Variants in PIK3R3 observed in about 807,000 individuals in gnomAD.
PIK3R3 encodes phosphatidylinositol 3-kinase regulatory subunit gamma.
PIK3R3 carries 64 observed loss-of-function variants against 62.9 expected under a neutral mutation model. The observed-to-expected ratio is 1.02, with a 90% confidence interval of 0.83 to 1.25. PIK3R3 has a LOEUF of 1.25. Among genes scored for constraint, PIK3R3 ranks in the 50% most tolerant of loss-of-function variants. The pLI, the probability that PIK3R3 is intolerant of heterozygous loss-of-function variation, is 0.00. For synonymous variants in PIK3R3, 165 were observed against 189.0 expected (o/e 0.87, Z 1.04); for missense variants, 614 against 561.6 (o/e 1.09, Z -0.94).
chr1:46,045,617 CTTTTTTTT>C (rs1031388121), intron 9 of PIK3R3, among the ~76,000 whole-genome samples: 6 of 21,212 alleles, frequency 2.8e-4, no homozygotes, highest in Admixed American at 6.3e-4. Context: ...CAATTAAGTG[CTTTTTTTT>C]TTTTTTTTTT....
intron 1 of PIK3R3, among the ~76,000 whole-genome samples, chr1:46,107,041 G>GTA (rs925649515): frequency 1.3e-5 from 2 of 152,120 alleles, no homozygotes; most frequent in Non-Finnish European, 2.9e-5. Context: ...GATTACAGGC[G>GTA]TGAGCCACCG....
intron 3 of PIK3R3, among the ~76,000 whole-genome samples, chr1:46,072,720 T>TGG (rs1649655785): frequency 6.6e-6 from 1 of 151,920 alleles, no homozygotes; most frequent in Admixed American, 6.6e-5. Context: ...GAGGCCAAGG[T>TGG]GGGAGGATCA....
chr1:46,128,479 C>A (rs1025720572), intron 1 of PIK3R3, among the ~76,000 whole-genome samples: 2 of 151,978 alleles, frequency 1.3e-5, no homozygotes, highest in Admixed American at 6.6e-5. Flanking sequence ...AATATTGGCA[C>A]CATTACAGTT....
intron 3 of PIK3R3, among the ~76,000 whole-genome samples, chr1:46,068,360 A>G (rs1466188546): frequency 6.6e-6 from 1 of 152,200 alleles, no homozygotes; most frequent in Non-Finnish European, 1.5e-5. Context: ...TATATGATAA[A>G]CAAGCCAGAC....
chr1:46,103,099 C>G (rs897967902), intron 1 of PIK3R3, among the ~76,000 whole-genome samples: 1 of 152,078 alleles, frequency 6.6e-6, no homozygotes, highest in South Asian at 2.1e-4. Flanking sequence ...CTTACTTATA[C>G]GAGGTAACTG....
At chr1:46,144,725 G>GCCA in the PIK3R3 span, among the ~76,000 whole-genome samples, 1 of 146,094 alleles carries the variant, frequency 6.8e-6, no homozygotes, top group Non-Finnish European at 1.5e-5. Flanking sequence ...CCAAGATCGT[G>GCCA]CCACTGCACT....
intron 1 of PIK3R3, among the ~76,000 whole-genome samples, chr1:46,106,896 C>T (rs1010374808): frequency 1.3e-5 from 2 of 152,118 alleles, no homozygotes; most frequent in Non-Finnish European, 2.9e-5. Context: ...CTGCCTCAGC[C>T]TCCCAAGTAG....
At chr1:46,064,969 T>C (rs1011047225) in intron 5 of PIK3R3, among the ~76,000 whole-genome samples, 2 of 152,186 alleles carry the variant, frequency 1.3e-5, no homozygotes, top group Admixed American at 6.5e-5. Flanking sequence ...CCATTATTGT[T>C]ATCTACTAGA....
the PIK3R3 span, among the ~76,000 whole-genome samples, chr1:46,157,538 C>T: frequency 2.6e-5 from 4 of 152,154 alleles, no homozygotes; most frequent in East Asian, 7.7e-4. Flanking sequence ...CTGGATGGCC[C>T]ATTTAGAAAG....
At chr1:46,059,633 A>T (rs958741329) in intron 6 of PIK3R3, among the ~76,000 whole-genome samples, 4 of 151,806 alleles carry the variant, frequency 2.6e-5, no homozygotes, top group Admixed American at 6.6e-5. Context: ...CTCTACAAAA[A>T]GATTTTTAAA....
intron 1 of PIK3R3, among the ~76,000 whole-genome samples, chr1:46,109,190 T>C (rs1653502402): frequency 6.6e-6 from 1 of 151,516 alleles, no homozygotes; most frequent in African/African-American, 2.4e-5. Context: ...AAAATTATGT[T>C]TCTCTGCTCT....
chr1:46,086,310 GCCAGGTGCAGTGGTGTGCACCTATACCC>G (rs1651049076), intron 1 of PIK3R3, among the ~76,000 whole-genome samples: 1 of 152,130 alleles, frequency 6.6e-6, no homozygotes, highest in Admixed American at 6.5e-5. Flanking sequence ...CAAAAATGGT[GCCAGGTGCAGTGGTGTGCACCTATACCC>G]CCAGCTACTC....
chr1:46,069,551 A>G (rs950903447), intron 3 of PIK3R3, among the ~76,000 whole-genome samples: 12 of 151,750 alleles, frequency 7.9e-5, no homozygotes, highest in Non-Finnish European at 1.8e-4. Context: ...TTAAAGGGGG[A>G]AAAAGTTTGG....
In PIK3R3 at chr1:46,093,871, AC is replaced by A. The variant is rs757212156; in HGVS notation, c.107-13122del. The stretch of plus-strand genomic sequence containing the variant: ...CTCCATCTCAAAAAAAAAAAAAAAA[AC>A]ATCCTAGGCAACATATGGAGAAACT... On this transcript the variant is annotated intron_variant, in intron 1 of 9. Coordinates refer to ENST00000262741, the MANE Select transcript of PIK3R3 (RefSeq NM_003629.4). 7.2e-3 allele frequency among the ~76,000 whole-genome samples: 1,080 copies of A among 150,980 alleles called. 9 individuals are homozygous for A. The highest frequency in any genetic ancestry group is 0.022 in the African/African-American group (886 of 41,000).
intron 1 of PIK3R3, among the ~76,000 whole-genome samples, chr1:46,086,406 T>TG (rs1262348119): frequency 6.6e-6 from 1 of 152,042 alleles, no homozygotes; most frequent in Non-Finnish European, 1.5e-5. Flanking sequence ...CAGTGTGCTA[T>TG]GATTGCACAT....
In PIK3R3 at chr1:46,095,171, A is replaced by G. The variant is rs192220000; in HGVS notation, c.107-14421T>C. 3.9e-4 allele frequency among the ~76,000 whole-genome samples: 59 copies of G among 152,354 alleles called. 1 individual carries two copies. In the East Asian group the frequency reaches 6.2e-3, roughly 16 times the overall value. ...ATATAAATCATCCTATTATTAAGAT[A>G]CATGCATGTGTATGTTCATTGCAGC... On this transcript the variant is annotated intron_variant, in intron 1 of 9. Coordinates refer to ENST00000262741, the MANE Select transcript of PIK3R3 (RefSeq NM_003629.4).
At chr1:46,144,970 A>AAAATT in the PIK3R3 span, among the ~76,000 whole-genome samples, 42 of 151,634 alleles carry the variant, frequency 2.8e-4, no homozygotes, top group African/African-American at 9.9e-4. Context: ...CTAAAAATAC[A>AAAATT]AAATTAGCCA....
In PIK3R3 at chr1:46,067,051, C is replaced by A. The variant is rs1478159241; in HGVS notation, c.355G>T (p.Asp119Tyr). The stretch of plus-strand genomic sequence containing the variant: ...GGATCAGAAAAGCCATATTTACCAT[C>A]CCGGTGATAGATCTTTATTAACTTA... ...NNKLIKIYHR[D>Y]GKYGFSDPLT... Residue 119 changes from aspartate to tyrosine, a missense_variant, in exon 4 of 10, where the codon GAT becomes TAT. Physicochemically the swap from Asp to Tyr is radical, Grantham distance 160. Coordinates refer to ENST00000262741, the MANE Select transcript of PIK3R3 (RefSeq NM_003629.4). The A allele has an allele frequency of 6.3e-7, 1 of 1,597,492 alleles. No individual in the cohort carries two copies. The highest frequency in any genetic ancestry group is 8.5e-7 in the Non-Finnish European group (1 of 1,173,232).
chr1:46,140,109 C>T, the PIK3R3 span, among the ~76,000 whole-genome samples: 1 of 152,202 alleles, frequency 6.6e-6, no homozygotes. Flanking sequence ...CTGCTTCAGC[C>T]TCCCGAGTAG....
Sources: gnomAD v4.1 joint callset for allele counts (sites outside exome capture counted in the v4.1 genomes callset) on GRCh38, gnomAD v4.1.1 for gene constraint, MANE v1.5 for transcripts, NCBI Gene and HGNC (gene_info 2026-07-23, HGNC 2026-07-21) for gene names.